The following SPAM1 variants were observed in gnomAD, a reference collection of about 807,000 sequenced individuals.
SPAM1 encodes hyaluronidase PH-20.
A neutral mutation model predicts 29.6 loss-of-function variants in SPAM1; 22 were observed. That is an observed-to-expected ratio of 0.74 (90% CI 0.53 to 1.06). The LOEUF is 1.06. SPAM1 is among the 50% of genes least tolerant of loss of function. The probability of loss-of-function intolerance (pLI) is 0.00; values close to 1 mark genes in which losing one functional copy is unlikely to be tolerated. For missense variants in SPAM1, 534 were observed against 604.0 expected, an observed-to-expected ratio of 0.88 and a Z score of 1.21; for synonymous variants, 194 against 204.6, an observed-to-expected ratio of 0.95 and a Z score of 0.44.
intron 2 of SPAM1, among the ~76,000 whole-genome samples, chr7:123,952,609 CA>C (rs1378546465): frequency 6.6e-6 from 1 of 152,086 alleles, no homozygotes; most frequent in Non-Finnish European, 1.5e-5. Flanking sequence ...CACTTTGTCA[CA>C]ATCAGAATCA....
chr7:123,961,311 T>A (rs140912378), downstream of SPAM1, among the ~76,000 whole-genome samples: 12 of 152,042 alleles, frequency 7.9e-5, no homozygotes, highest in African/African-American at 2.9e-4. Context: ...CCTCTCCCTA[T>A]CCTTCTCTCC....
At chr7:123,971,276 A>G (rs2117084373) in exon 7 of SPAM1, 1 of 152,278 alleles carries the variant, frequency 6.6e-6, no homozygotes, top group South Asian at 2.1e-4. Flanking sequence ...TCAAAATGCC[A>G]TTTATAAAGA....
At chr7:123,925,384 A>T (rs2117008939) in intron 1 of SPAM1, 32 bp downstream of exon 1, 1 of 152,312 alleles carries the variant, frequency 6.6e-6, no homozygotes, top group Non-Finnish European at 1.5e-5. Context: ...AAAAATCTTG[A>T]TGTATACCTG....
At chr7:123,967,759 G>A (rs1360216427) in intron 5 of SPAM1, among the ~76,000 whole-genome samples, 2 of 151,960 alleles carry the variant, frequency 1.3e-5, no homozygotes, top group African/African-American at 2.4e-5. Context: ...TGTCTTCTGG[G>A]TGATGTTAGT....
intron 1 of SPAM1, among the ~76,000 whole-genome samples, chr7:123,943,371 A>G (rs1808485838): frequency 1.3e-5 from 2 of 152,170 alleles, no homozygotes; most frequent in African/African-American, 4.8e-5. Context: ...ACTGCAGATG[A>G]CAAAAGTCTT....
At chr7:123,970,881 A>G (rs1346041205) in intron 6 of SPAM1, 1 of 152,074 alleles carries the variant, frequency 6.6e-6, no homozygotes, top group Non-Finnish European at 1.5e-5. Flanking sequence ...TTCATAAGAT[A>G]TTAAATAAAG....
chr7:123,950,360 A>C (rs1265373165), intron 2 of SPAM1, among the ~76,000 whole-genome samples: 2 of 152,072 alleles, frequency 1.3e-5, no homozygotes, highest in African/African-American at 4.8e-5. Flanking sequence ...TGTACCCATC[A>C]CCCAGATTGT....
intron 1 of SPAM1, among the ~76,000 whole-genome samples, chr7:123,939,046 GT>G (rs1480255911): frequency 6.7e-6 from 1 of 148,264 alleles, no homozygotes; most frequent in East Asian, 2.0e-4. Flanking sequence ...AAGCTATTAT[GT>G]TTTTAATTAG....
Position 123,940,093 on chromosome 7 carries a change from ACTT to A in SPAM1, c.-318-9775_-318-9773del, listed in dbSNP as rs1808384029. 5.3e-5 allele frequency among the ~76,000 whole-genome samples: 8 copies of A among 149,812 alleles called. No individual in the cohort carries two copies. In the South Asian group the frequency reaches 1.3e-3, roughly 24 times the overall value. ...GTTTTCACTGCTGTAATTACTGCTT[ACTT>A]CTTTTTTTTTTGACTGCACTGTGGC... On this transcript the variant is annotated intron_variant, in intron 1 of 4. Transcript: ENST00000682466.
At chr7:123,952,658 A>T (rs1748104234) in intron 2 of SPAM1, among the ~76,000 whole-genome samples, 1 of 152,140 alleles carries the variant, frequency 6.6e-6, no homozygotes, top group Non-Finnish European at 1.5e-5. Context: ...TAAAAAGATG[A>T]AAATCTACAT....
chr7:123,945,396 G>A (rs530072279), intron 1 of SPAM1, among the ~76,000 whole-genome samples: 1 of 152,076 alleles, frequency 6.6e-6, no homozygotes, highest in Admixed American at 6.6e-5. Flanking sequence ...AAAAAAAAAA[G>A]TGAAGAACAC....
At chr7:123,944,227 T>C (rs1175167741) in intron 1 of SPAM1, among the ~76,000 whole-genome samples, 3 of 152,146 alleles carry the variant, frequency 2.0e-5, no homozygotes, top group Non-Finnish European at 4.4e-5. Flanking sequence ...ACAGTTTATT[T>C]TGATTGGCAT....
chr7:123,969,390 A>G (rs1033332194), intron 5 of SPAM1, among the ~76,000 whole-genome samples: 6 of 151,894 alleles, frequency 4.0e-5, no homozygotes, highest in African/African-American at 9.7e-5. Context: ...CATTTCCCCT[A>G]TGTTTTATGC....
chr7:123,950,127 A>T (rs1253961398), intron 2 of SPAM1, 144 bp downstream of exon 2: 1 of 152,142 alleles, frequency 6.6e-6, no homozygotes, highest in African/African-American at 2.4e-5. Context: ...TAGGAATACT[A>T]GTGGAGAGAT....
rs907026733 is a variant in SPAM1, at chr7:123,965,604, G to A, written c.1486-4594G>A. 9.2e-5 allele frequency among the ~76,000 whole-genome samples: 14 copies of A among 152,130 alleles called. 1 individual carries two copies. The South Asian group carries it at 1.0e-3, about 11-fold the overall frequency. On this transcript the variant is annotated intron_variant, in intron 5 of 6. Coordinates refer to the SPAM1 transcript ENST00000340011. ...TTTTTGTCAGGTTTGTTGAAGATCA[G>A]ATGGCTGCAGATGCGTGGTCTTATT...
intron 1 of SPAM1, among the ~76,000 whole-genome samples, chr7:123,948,757 G>T (rs938004503): frequency 6.6e-6 from 1 of 151,900 alleles, no homozygotes; most frequent in African/African-American, 2.4e-5. Flanking sequence ...AATTTTAATG[G>T]TAAGAGGATT....
chr7:123,954,803 A>G lies in SPAM1; in HGVS notation c.955-194A>G, dbSNP rs118015885. On this transcript the variant is annotated intron_variant, in intron 3 of 4. Coordinates refer to ENST00000682466, the MANE Select transcript of SPAM1 (RefSeq NM_153189.3). ...CTTTCTTAGGCCTCGTCTCTTTTCA[A>G]TAGAAGTGATTGAAACAATAATAGT... 6.1e-4 allele frequency among the ~76,000 whole-genome samples: 92 copies of G among 151,954 alleles called. No individual in the cohort carries two copies. In the East Asian group the frequency reaches 0.017, roughly 28 times the overall value.
chr7:123,942,641 C>T (rs926240842), intron 1 of SPAM1, among the ~76,000 whole-genome samples: 4 of 152,134 alleles, frequency 2.6e-5, no homozygotes, highest in Admixed American at 6.5e-5. Flanking sequence ...CTGCAGATAC[C>T]TGTATTAATG....
intron 1 of SPAM1, among the ~76,000 whole-genome samples, chr7:123,942,410 T>TTTGAAACACATTTTTTC (rs1351542920): frequency 6.6e-6 from 1 of 152,208 alleles, no homozygotes; most frequent in Non-Finnish European, 1.5e-5. Flanking sequence ...TCTGAGATAG[T>TTTGAAACACATTTTTTC]TTGAAACACA....
Sources: gnomAD v4.1 joint callset for allele counts (sites outside exome capture counted in the v4.1 genomes callset) on GRCh38, gnomAD v4.1.1 for gene constraint, MANE v1.5 for transcripts, NCBI Gene and HGNC (gene_info 2026-07-23, HGNC 2026-07-21) for gene names.